EPHX1: variants seen among roughly 807,000 people sequenced by gnomAD.
EPHX1 encodes epoxide hydrolase 1.
A neutral mutation model predicts 43.2 loss-of-function variants in EPHX1; 40 were observed. That is an observed-to-expected ratio of 0.93 (90% CI 0.72 to 1.21). The LOEUF is 1.21. Among genes scored for constraint, EPHX1 ranks in the 50% most tolerant of loss-of-function variants. The pLI is 0.00. For synonymous variants in EPHX1, 221 were observed against 226.7 expected, an observed-to-expected ratio of 0.98 and a Z score of 0.22; for missense variants, 550 against 570.4, an observed-to-expected ratio of 0.96 and a Z score of 0.36.
Position 225,839,354 on chromosome 1 carries a change from C to A in EPHX1, c.722+8C>A, listed in dbSNP as rs1240842095. 9.4e-6 allele frequency: 15 copies of A among 1,604,260 alleles called. No homozygotes were observed. The highest frequency in any genetic ancestry group is 1.2e-5 in the Non-Finnish European group (14 of 1,177,538). ...GGCCCAGCTGGTGCCCAGGTGAGGT[C>A]ACTGTTGGGGTGGTGTGTGTGTGTG... is the stretch of plus-strand genomic sequence containing the variant. On this transcript the variant is annotated splice_region_variant and intron_variant, in intron 5 of 8. Transcript: ENST00000272167.
At position 225,831,954 on chromosome 1, in the gene EPHX1, T is replaced by C. The variant is rs1559021389; in HGVS notation, c.359T>C (p.Ile120Thr). The C allele has an allele frequency of 1.9e-6, 3 of 1,614,078 alleles. No homozygotes were observed. Among genetic ancestry groups the C allele is most frequent in the Non-Finnish European group, 2.5e-6 (3 of 1,180,024 alleles). The change falls in exon 3 of 9, where the codon ATT (isoleucine) becomes ACT (threonine). Residue 120 changes from isoleucine (I) to threonine (T), a missense_variant. Transcript: ENST00000272167. Reference protein sequence around the residue: ...LNRYPHFKTKIEGLDIHFIHV... With the variant: ...LNRYPHFKTKTEGLDIHFIHV... Reference sequence around the variant, plus strand: ...AGATACCCTCACTTCAAGACTAAGATTGAAGGTATGTTTGCAAAACGCCAG... The same window carrying C: ...AGATACCCTCACTTCAAGACTAAGACTGAAGGTATGTTTGCAAAACGCCAG...
At chr1:225,818,481 G>T (rs1666826013) in intron 1 of EPHX1, among the ~76,000 whole-genome samples, 1 of 152,164 alleles carries the variant, frequency 6.6e-6, no homozygotes, top group Non-Finnish European at 1.5e-5. Flanking sequence ...AAATCTGAAA[G>T]GTGGATAGAA....
At chr1:225,839,196 G>C in intron 4 of EPHX1, 21 bp from the exon 5 acceptor site, 1 of 1,613,928 alleles carries the variant, frequency 6.2e-7, no homozygotes, top group Non-Finnish European at 8.5e-7. Context: ...GTGACTCCAT[G>C]CCTTTCCCCA....
chr1:225,831,976 C>T lies in EPHX1; in HGVS notation c.364+17C>T, dbSNP rs759251392. 1 of 1,612,966 alleles carries T rather than the reference C, an allele frequency of 6.2e-7. No homozygotes were observed. The highest frequency in any genetic ancestry group is 1.7e-5 in the Admixed American group (1 of 59,994). On this transcript the variant is annotated intron_variant, in intron 3 of 8. Transcript: ENST00000272167. The stretch of plus-strand genomic sequence containing the variant: ...AGATTGAAGGTATGTTTGCAAAACG[C>T]CAGCCAGAGAGGGATGTATGTCATG...
rs763850385 is a variant in EPHX1, at chr1:225,837,662, C to T, written c.365-992C>T. Among the ~76,000 whole-genome samples the T allele has an allele frequency of 3.9e-5, 6 of 152,116 alleles. No individual in the cohort carries two copies. The East Asian group carries it at 5.8e-4, about 15-fold the overall frequency. ...CCTCCCGAGTAGCTGGAATTGCAGG[C>T]GCCTGTCAGCATGCCCGGGTAATTT... On this transcript the variant is annotated intron_variant, in intron 3 of 8. Coordinates refer to ENST00000272167, the MANE Select transcript of EPHX1 (RefSeq NM_001136018.4).
chr1:225,836,612 A>C (rs937853214), intron 3 of EPHX1, among the ~76,000 whole-genome samples: 5 of 152,204 alleles, frequency 3.3e-5, no homozygotes, highest in Admixed American at 3.3e-4. Context: ...AGAAGAAGAA[A>C]AAAAAAGGAA....
At position 225,839,310 on chromosome 1, in the gene EPHX1, C is replaced by T. The variant is rs138769642; in HGVS notation, c.686C>T (p.Ser229Phe). 4.0e-5 allele frequency: 64 copies of T among 1,613,976 alleles called. No individual in the cohort carries two copies. Among genetic ancestry groups the T allele is most frequent in the Non-Finnish European group, 5.2e-5 (61 of 1,180,006 alleles). ...EFYIQGGDWG[S>F]LICTNMAQLV... ...TACATTCAAGGAGGGGACTGGGGGT[C>T]CCTGATCTGCACTAATATGGCCCAG... The change falls in exon 5 of 9, where the codon TCC becomes TTC. Residue 229 changes from serine (S) to phenylalanine (F), a missense_variant. Transcript: ENST00000272167.
chr1:225,833,768 C>A (rs930590284), intron 3 of EPHX1, among the ~76,000 whole-genome samples: 1 of 140,276 alleles, frequency 7.1e-6, no homozygotes, highest in East Asian at 2.1e-4. Context: ...GCACTCCAGC[C>A]TGGGCGACAG....
intron 3 of EPHX1, among the ~76,000 whole-genome samples, chr1:225,834,550 C>T (rs1282554675): frequency 7.0e-6 from 1 of 142,368 alleles, no homozygotes; most frequent in Non-Finnish European, 1.5e-5. Flanking sequence ...GGTGTGTGTC[C>T]TGGAACTAGA....
intron 1 of EPHX1, among the ~76,000 whole-genome samples, chr1:225,822,623 C>T (rs1326738018): frequency 6.6e-6 from 1 of 152,332 alleles, no homozygotes; most frequent in African/African-American, 2.4e-5. Flanking sequence ...GAGCTGACCA[C>T]AGGGAAGAGA....
At chr1:225,838,934 C>T (rs1324676402) in intron 4 of EPHX1, 53 bp downstream of exon 4, 3 of 1,572,344 alleles carry the variant, frequency 1.9e-6, no homozygotes, top group Non-Finnish European at 2.6e-6. Context: ...AAGGGTGGGC[C>T]CGGTGTTCCC....
At chr1:225,813,874 G>A (rs1326824154) in intron 1 of EPHX1, among the ~76,000 whole-genome samples, 1 of 152,218 alleles carries the variant, frequency 6.6e-6, no homozygotes, top group Admixed American at 6.5e-5. Context: ...CAAGCTTGCA[G>A]AAGAGGGGAA....
Position 225,845,460 on chromosome 1 carries a change from T to C in EPHX1, c.*113T>C, listed in dbSNP as rs903626358. 3.5e-6 allele frequency: 4 copies of C among 1,149,566 alleles called. No individual in the cohort carries two copies. In the African/African-American group the frequency reaches 4.6e-5, roughly 13 times the overall value. 71.2% of individuals were successfully genotyped at this position (1,149,566 alleles called of 1,614,324 possible). On this transcript the variant is annotated 3_prime_UTR_variant, in exon 9 of 9. Transcript: ENST00000272167. ...GTTTGCCTCCGTCCCCTGCCCATGC[T>C]GGGAGCCCACGCTCACCCCCTCACC...
intron 2 of EPHX1, among the ~76,000 whole-genome samples, chr1:225,830,550 C>T (rs1446681078): frequency 3.3e-5 from 5 of 152,196 alleles, no homozygotes; most frequent in Admixed American, 2.0e-4. Flanking sequence ...CTGCAACCTC[C>T]GCCTCCTGGG....
chr1:225,814,392 A>C (rs1298134181), intron 1 of EPHX1, among the ~76,000 whole-genome samples: 1 of 152,148 alleles, frequency 6.6e-6, no homozygotes, highest in Non-Finnish European at 1.5e-5. Context: ...AAGAAAAACT[A>C]CCTCTTCTTA....
At chr1:225,833,822 G>A (rs1040566995) in intron 3 of EPHX1, among the ~76,000 whole-genome samples, 39 of 150,010 alleles carry the variant, frequency 2.6e-4, no homozygotes, top group Non-Finnish European at 5.0e-4. Context: ...AACAGGCTGG[G>A]CGCCGTGGCT....
rs145977976 is a variant in EPHX1, at chr1:225,812,051, T to C, written c.-6+1882T>C. Among the ~76,000 whole-genome samples the C allele has an allele frequency of 6.5e-3, 993 of 152,288 alleles. 8 individuals are homozygous for C. The highest frequency in any genetic ancestry group is 0.048 in the Middle Eastern group (14 of 294). On this transcript the variant is annotated intron_variant, in intron 1 of 8. Transcript: ENST00000272167. ...TGGCACTGGCATAGACCTGAAGAGT[T>C]AGGGAGCAGCCAAGCTGCTGCCTGG...
In EPHX1 at chr1:225,840,034, G is replaced by T; in HGVS notation, c.928G>T (p.Val310Leu). 6.2e-7 allele frequency: 1 copy of T among 1,613,910 alleles called. No individual in the cohort carries two copies. Among genetic ancestry groups the T allele is most frequent in the Non-Finnish European group, 8.5e-7 (1 of 1,179,952 alleles). ...CATCCAGTGCACCAAGCCTGACACC[G>T]TAGGTGAGTGTGCTCAGGGGTCCTC... ...MHIQCTKPDTVGSALNDSPVG... is the reference protein window; with the variant it reads ...MHIQCTKPDTLGSALNDSPVG... Residue 310 changes from valine to leucine, a missense_variant, in exon 6 of 9, where the codon GTA (valine) becomes TTA (leucine). By Grantham distance (32) the Val-to-Leu change is conservative. Transcript: ENST00000272167.
rs1553485988 is a variant in EPHX1, at chr1:225,839,366, G to GTGTGTGT, written c.722+20_722+21insTGTGTGT. The GTGTGTGT allele has an allele frequency of 7.6e-7, 1 of 1,313,914 alleles. No individual in the cohort carries two copies. Among genetic ancestry groups the GTGTGTGT allele is most frequent in the African/African-American group, 1.5e-5 (1 of 65,020 alleles). 81.4% of individuals were successfully genotyped at this position (1,313,914 alleles called of 1,614,324 possible). On this transcript the variant is annotated intron_variant, in intron 5 of 8. Coordinates refer to ENST00000272167, the MANE Select transcript of EPHX1 (RefSeq NM_001136018.4). The stretch of plus-strand genomic sequence containing the variant: ...GCCCAGGTGAGGTCACTGTTGGGGT[G>GTGTGTGT]GTGTGTGTGTGTGTGTGTGTGTGTG...
Sources: allele counts gnomAD v4.1 joint callset (sites outside exome capture counted in the v4.1 genomes callset), GRCh38; gene constraint gnomAD v4.1.1; transcripts MANE v1.5; gene names NCBI Gene and HGNC (gene_info 2026-07-23, HGNC 2026-07-21).